Variants in NOTCH1 observed in about 807,000 individuals in gnomAD.
NOTCH1 encodes the protein notch receptor 1.
A neutral mutation model predicts 254.8 loss-of-function variants in NOTCH1; 37 were observed. The ratio of observed to expected loss-of-function variants is 0.15; its 90% CI spans 0.11 to 0.19. The LOEUF (loss-of-function observed/expected upper bound fraction) is 0.19. Among genes scored for constraint, NOTCH1 ranks in the 10% least tolerant of loss-of-function variants. NOTCH1 has a pLI of 1.00. For missense variants in NOTCH1, 2,972 were observed against 3,708.6 expected (o/e 0.80, Z 5.16); for synonymous variants, 1,731 against 1,618.1 (o/e 1.07, Z -1.68).
Position 136,540,314 on chromosome 9 carries a change from G to A in NOTCH1, c.140+3710C>T, listed in dbSNP as rs573086889. Among the ~76,000 whole-genome samples, 17 of 152,242 alleles carry A rather than the reference G, an allele frequency of 1.1e-4. No homozygotes were observed. The East Asian group carries it at 2.5e-3, about 23-fold the overall frequency. ...CGCAGCACACAGCAGGCGCTCAAAC[G>A]TGTCTGTGAACTGGAGCCACCCTGG... On this transcript the variant is annotated intron_variant, in intron 2 of 33. Transcript: ENST00000651671. This position sits in a 1 kb window ranked among gnomAD's most constrained non-coding sequence, Gnocchi z 4.4.
In NOTCH1 at chr9:136,510,911, G is replaced by A. The variant is rs1589062887; in HGVS notation, c.2588-106C>T. On this transcript the variant is annotated intron_variant, in intron 16 of 33. Transcript: ENST00000651671. Reference sequence around the variant, plus strand: ...AGTGCCTCTCCCGACCCAGGAGTAGGCTTCCGTGACCCCAGGACCATCCCC... The same window carrying A: ...AGTGCCTCTCCCGACCCAGGAGTAGACTTCCGTGACCCCAGGACCATCCCC... The A allele has an allele frequency of 4.0e-6, 6 of 1,496,672 alleles. No homozygotes were observed. The East Asian group carries it at 9.2e-5, about 23-fold the overall frequency. 92.7% of individuals were successfully genotyped at this position (1,496,672 alleles called of 1,614,324 possible).
At chr9:136,514,808 C>A (rs571892986) in intron 12 of NOTCH1, 106 bp from the exon 13 acceptor site, 3 of 1,144,934 alleles carry the variant, frequency 2.6e-6, no homozygotes, top group Non-Finnish European at 3.8e-6. Flanking sequence ...CCCTTCTGGC[C>A]ACATCCTTCC....
intron 2 of NOTCH1, among the ~76,000 whole-genome samples, chr9:136,538,324 G>T (rs1251357293): frequency 6.6e-6 from 1 of 152,064 alleles, no homozygotes; most frequent in Non-Finnish European, 1.5e-5. Flanking sequence ...CCCAGCGCAG[G>T]CCTCGCCGCA....
chr9:136,526,807 C>T (rs11574864), intron 2 of NOTCH1, among the ~76,000 whole-genome samples: 3,917 of 152,324 alleles, frequency 0.026, 53 homozygotes, highest in Middle Eastern at 0.044. Flanking sequence ...ATAAATCAGG[C>T]GTCGGTGCTC....
In NOTCH1 at chr9:136,506,396, A is replaced by AAG. The variant is rs1478848677; in HGVS notation, c.4014+129_4014+130dup. 4.3e-6 allele frequency: 3 copies of AAG among 692,412 alleles called. No individual in the cohort carries two copies. In the African/African-American group the frequency reaches 5.5e-5, roughly 13 times the overall value. 42.9% of individuals were successfully genotyped at this position (692,412 alleles called of 1,614,324 possible). A position where few individuals can be genotyped will look rare whatever the true frequency, so the allele number is the denominator to read the frequency against. Reference sequence around the variant, plus strand: ...ATTTATTGAAACTAAAAAAAAAAAAAAGACATCAGGGTGAGGAGGAGGATG... The same window carrying AAG: ...ATTTATTGAAACTAAAAAAAAAAAAAAGAGACATCAGGGTGAGGAGGAGGATG... On this transcript the variant is annotated intron_variant, in intron 24 of 33. Transcript: ENST00000651671. This position sits in a 1 kb window ranked among gnomAD's most constrained non-coding sequence, Gnocchi z 4.5.
At chr9:136,498,759 G>T (rs984006060) in intron 33 of NOTCH1, 140 bp downstream of exon 33, 12 of 936,700 alleles carry the variant, frequency 1.3e-5, no homozygotes, top group African/African-American at 1.6e-5. Flanking sequence ...CATCATGCGG[G>T]TGGGGCCCAC....
intron 26 of NOTCH1, among the ~76,000 whole-genome samples, chr9:136,503,992 T>C (rs901279499): frequency 1.3e-5 from 2 of 152,088 alleles, no homozygotes; most frequent in Non-Finnish European, 2.9e-5. Flanking sequence ...CTCCTGCCTG[T>C]GTTCTCCCAC....
intron 33 of NOTCH1, 47 bp downstream of exon 33, chr9:136,498,852 T>C (rs998770400): frequency 3.1e-6 from 5 of 1,602,714 alleles, no homozygotes; most frequent in South Asian, 2.2e-5. Flanking sequence ...CACTTCTCTG[T>C]GGATTCAGCC....
intron 31 of NOTCH1, among the ~76,000 whole-genome samples, chr9:136,500,034 A>G (rs1468486273): frequency 6.6e-6 from 1 of 152,194 alleles, no homozygotes; most frequent in Non-Finnish European, 1.5e-5. Flanking sequence ...CTGCAAAGGC[A>G]GCCCCTGCCA....
In NOTCH1 at chr9:136,512,992, CTCCAGCACAGG is replaced by C. The variant is rs1589064223; in HGVS notation, c.2467+18_2467+28del. On this transcript the variant is annotated intron_variant, in intron 15 of 33. Coordinates refer to ENST00000651671, the MANE Select transcript of NOTCH1 (RefSeq NM_017617.5). The stretch of plus-strand genomic sequence containing the variant: ...GCCCCTCCCACATAGGCCCCGCCCC[CTCCAGCACAGG>C]CCCCACCCACCCCTCACCTGTGTAG... The C allele has an allele frequency of 5.0e-5, 51 of 1,014,492 alleles. No individual in the cohort carries two copies. The highest frequency in any genetic ancestry group is 1.6e-4 in the South Asian group (12 of 74,382). 62.8% of individuals were successfully genotyped at this position (1,014,492 alleles called of 1,614,324 possible).
intron 18 of NOTCH1, 40 bp downstream of exon 18, chr9:136,509,693 C>T (rs767117346): frequency 5.4e-5 from 85 of 1,585,048 alleles, no homozygotes; most frequent in Admixed American, 8.3e-5. Flanking sequence ...TGGCCCGCAC[C>T]GCCCGTTCCC....
At position 136,508,307 on chromosome 9, in the gene NOTCH1, C is replaced by T. The variant is rs766361207; in HGVS notation, c.3250G>A (p.Glu1084Lys). 1.4e-5 allele frequency: 23 copies of T among 1,612,964 alleles called. No homozygotes were observed. The highest frequency in any genetic ancestry group is 2.2e-5 in the South Asian group (2 of 91,086). ...AGGCCGGTCCAGCCGCTGGGGCACT[C>T]GCAGCGGTACTGGGTGTGGGTCTGC... ...CWQTHTQYRC[E>K]CPSGWTGLYC... The change falls in exon 20 of 34, where the codon GAG (glutamate) becomes AAG (lysine). Residue 1084 changes from glutamate to lysine, a missense_variant. Glu to Lys is a moderately conservative substitution (Grantham distance 56). Coordinates refer to ENST00000651671, the MANE Select transcript of NOTCH1 (RefSeq NM_017617.5).
chr9:136,517,992 C>T (rs2133369318), intron 7 of NOTCH1, 55 bp from the exon 8 acceptor site: 1 of 1,594,018 alleles, frequency 6.3e-7, no homozygotes, highest in Non-Finnish European at 8.5e-7. Context: ...CCCTGCAACA[C>T]CTCACTGCAC....
intron 2 of NOTCH1, among the ~76,000 whole-genome samples, chr9:136,535,885 GGGTGGA>G (rs1843646072): frequency 8.3e-6 from 1 of 121,156 alleles, no homozygotes; most frequent in East Asian, 2.8e-4. Context: ...GGGTGGGAGT[GGGTGGA>G]GGGGGGAGCA....
Position 136,507,093 on chromosome 9 carries a change from A to G in NOTCH1, c.3644-120T>C, listed in dbSNP as rs377390062. ...GGCTGCACGGACACTCGGGAGAGGC[A>G]GGTGTCAAGGGTGCCGTGGAGACGC... On this transcript the variant is annotated intron_variant, in intron 22 of 33. Coordinates refer to ENST00000651671, the MANE Select transcript of NOTCH1 (RefSeq NM_017617.5). 1,345 of 1,494,338 alleles carry G rather than the reference A, an allele frequency of 9.0e-4. 17 individuals carry two copies. In the African/African-American group the frequency reaches 0.016, roughly 18 times the overall value. 92.6% of individuals were successfully genotyped at this position (1,494,338 alleles called of 1,614,324 possible). A position where few individuals can be genotyped will look rare whatever the true frequency, so the allele number is the denominator to read the frequency against.
At chr9:136,530,821 C>T (rs1296942314) in intron 2 of NOTCH1, among the ~76,000 whole-genome samples, 6 of 152,190 alleles carry the variant, frequency 3.9e-5, no homozygotes, top group South Asian at 2.1e-4. Context: ...CTGCACCCCA[C>T]GATGGCTCAG....
At chr9:136,516,735 G>A (rs1039690190) in intron 9 of NOTCH1, among the ~76,000 whole-genome samples, 21 of 152,256 alleles carry the variant, frequency 1.4e-4, no homozygotes, top group Admixed American at 1.1e-3. Flanking sequence ...CAGGCAGAAG[G>A]GGCTGCACCC....
At position 136,500,579 on chromosome 9, in the gene NOTCH1, C is replaced by T. The variant is rs368798587; in HGVS notation, c.5907G>A (p.Val1969=). 6.2e-7 allele frequency: 1 copy of T among 1,611,762 alleles called. No homozygotes were observed. The highest frequency in any genetic ancestry group is 8.5e-7 in the Non-Finnish European group (1 of 1,179,902). ...GGAAGACACCTTGTGCGTCGGCAGA[C>T]ACAGCCGCATGCAGCGGGGTGCGGC... The part of the protein sequence containing the change: ...NMGRTPLHAA[V]SADAQGVFQI... Residue 1969 remains valine (V), a synonymous_variant, in exon 31 of 34, where the codon GTG becomes GTA. Coordinates refer to ENST00000651671, the MANE Select transcript of NOTCH1 (RefSeq NM_017617.5).
intron 2 of NOTCH1, among the ~76,000 whole-genome samples, chr9:136,539,036 T>C (rs1000674395): frequency 1.3e-5 from 2 of 152,172 alleles, no homozygotes; most frequent in Non-Finnish European, 2.9e-5. Context: ...GAATGAGGAA[T>C]GAAGCCAGTC....
Sources: allele counts gnomAD v4.1 joint callset (sites outside exome capture counted in the v4.1 genomes callset), GRCh38; gene constraint gnomAD v4.1.1; non-coding constraint Gnocchi (gnomAD v3.1); transcripts MANE v1.5; gene names NCBI Gene and HGNC (gene_info 2026-07-23, HGNC 2026-07-21).